The following NTM variants were observed in gnomAD, a reference collection of about 807,000 sequenced individuals.
NTM encodes neurotrimin.
NTM carries 13 observed loss-of-function variants against 42.1 expected under a neutral mutation model. The ratio of observed to expected loss-of-function variants is 0.31; its 90% CI spans 0.20 to 0.49. The LOEUF (loss-of-function observed/expected upper bound fraction) is 0.49. Ranked by LOEUF, NTM falls within the 20% of genes least tolerant of loss-of-function variation. NTM has a pLI of 0.99. For synonymous variants in NTM, 187 were observed against 179.2 expected, an observed-to-expected ratio of 1.04 and a Z score of -0.35; for missense variants, 373 against 452.8, an observed-to-expected ratio of 0.82 and a Z score of 1.60.
chr11:131,700,418 C>G (rs1000716383), intron 1 of NTM, among the ~76,000 whole-genome samples: 3 of 152,164 alleles, frequency 2.0e-5, no homozygotes, highest in African/African-American at 7.2e-5. Context: ...GTTTTAGCTA[C>G]CTATAAGTTC....
At chr11:132,139,543 G>A (rs1185255275) in intron 2 of NTM, among the ~76,000 whole-genome samples, 1 of 152,224 alleles carries the variant, frequency 6.6e-6, no homozygotes, top group East Asian at 1.9e-4. Context: ...AGGAAGGACA[G>A]GTGGTAGGTG....
At chr11:132,331,345 G>T (rs1162367409) in intron 8 of NTM, among the ~76,000 whole-genome samples, 1 of 152,136 alleles carries the variant, frequency 6.6e-6, no homozygotes, top group Non-Finnish European at 1.5e-5. Context: ...ACATGGCTTT[G>T]CTTCTATGTA....
chr11:132,103,155 C>G (rs908241279), intron 2 of NTM, among the ~76,000 whole-genome samples: 1 of 152,228 alleles, frequency 6.6e-6, no homozygotes, highest in Non-Finnish European at 1.5e-5. Context: ...CGCACACAGG[C>G]GCAGGCAGCA....
At position 132,271,977 on chromosome 11, in the gene NTM, A is replaced by C. The variant is rs2093501013; in HGVS notation, c.527-35712A>C. On this transcript the variant is annotated intron_variant, in intron 4 of 8. Coordinates refer to ENST00000683400, the MANE Select transcript of NTM (RefSeq NM_001352005.2). ...TTCCATAGGAAACCATTCCAAGGTC[A>C]TCAAGATTTATCCCTGTGTTTTCTT... is the stretch of plus-strand genomic sequence containing the variant. Among the ~76,000 whole-genome samples, 6 of 152,106 alleles carry C rather than the reference A, an allele frequency of 3.9e-5. No homozygotes were observed. In the South Asian group the frequency reaches 1.2e-3, roughly 31 times the overall value.
intron 1 of NTM, among the ~76,000 whole-genome samples, chr11:131,565,540 TCCTTCC>T (rs1231708714): frequency 6.6e-6 from 1 of 152,356 alleles, no homozygotes; most frequent in African/African-American, 2.4e-5. Flanking sequence ...TTGTCATGGC[TCCTTCC>T]CCTTCCAGCC....
chr11:131,985,516 G>A (rs1412265706), intron 2 of NTM, among the ~76,000 whole-genome samples: 3 of 152,118 alleles, frequency 2.0e-5, no homozygotes, highest in African/African-American at 7.2e-5. Flanking sequence ...TGGCAACCAC[G>A]GGTGTCAGGC....
intron 2 of NTM, among the ~76,000 whole-genome samples, chr11:132,126,401 C>G (rs2065844706): frequency 6.6e-6 from 1 of 152,096 alleles, no homozygotes; most frequent in Non-Finnish European, 1.5e-5. Flanking sequence ...CCTTCCATCA[C>G]CCCCTTCTTT....
At chr11:131,378,459 G>T (rs1321903897) in intron 1 of NTM, among the ~76,000 whole-genome samples, 5 of 152,308 alleles carry the variant, frequency 3.3e-5, no homozygotes, top group East Asian at 1.9e-4. Flanking sequence ...CATCACAGAC[G>T]AATGAACAGA....
chr11:131,479,135 T>G (rs1953274452), intron 1 of NTM, among the ~76,000 whole-genome samples: 1 of 152,244 alleles, frequency 6.6e-6, no homozygotes, highest in Non-Finnish European at 1.5e-5. Flanking sequence ...AAACTTGTTT[T>G]GAGTACCTGC....
At chr11:131,850,686 A>G (rs1044849165) in intron 1 of NTM, among the ~76,000 whole-genome samples, 2 of 152,202 alleles carry the variant, frequency 1.3e-5, no homozygotes, top group African/African-American at 4.8e-5. Flanking sequence ...GCAGCAATCA[A>G]TGTTCAAAGG....
At chr11:132,085,981 G>A (rs1594512909) in intron 2 of NTM, among the ~76,000 whole-genome samples, 1 of 152,128 alleles carries the variant, frequency 6.6e-6, no homozygotes, top group African/African-American at 2.4e-5. Context: ...TTCCCAAGGA[G>A]TCTCAGAGCA....
At chr11:132,269,375 A>G (rs900320873) in intron 4 of NTM, among the ~76,000 whole-genome samples, 2 of 152,190 alleles carry the variant, frequency 1.3e-5, no homozygotes, top group Non-Finnish European at 2.9e-5. Flanking sequence ...AACCAGCAGG[A>G]TGTCATGCTT....
chr11:131,529,797 A>G (rs1762059849), intron 1 of NTM, among the ~76,000 whole-genome samples: 1 of 152,190 alleles, frequency 6.6e-6, no homozygotes, highest in South Asian at 2.1e-4. Flanking sequence ...TATTCTTTGC[A>G]AATAGGCATA....
chr11:131,481,399 T>TC (rs1953570822), intron 1 of NTM, among the ~76,000 whole-genome samples: 3 of 152,228 alleles, frequency 2.0e-5, no homozygotes, highest in Admixed American at 2.0e-4. Flanking sequence ...AGAAGGTGAG[T>TC]CATAGGACTG....
chr11:131,939,347 G>A (rs1432940104), intron 2 of NTM, among the ~76,000 whole-genome samples: 2 of 152,112 alleles, frequency 1.3e-5, no homozygotes, highest in African/African-American at 4.8e-5. Flanking sequence ...GAAGTGAAAA[G>A]TATCCATGGG....
intron 2 of NTM, among the ~76,000 whole-genome samples, chr11:131,975,262 C>A (rs1281786120): frequency 6.6e-6 from 1 of 152,038 alleles, no homozygotes; most frequent in Non-Finnish European, 1.5e-5. Context: ...CTCACTTCAA[C>A]CTCTGCCTCC....
At chr11:131,411,530 TA>T (rs1242092986) in intron 1 of NTM, among the ~76,000 whole-genome samples, 8 of 146,100 alleles carry the variant, frequency 5.5e-5, no homozygotes, top group Non-Finnish European at 1.0e-4. Flanking sequence ...CTGAAGTATT[TA>T]GGGGGGGCCG....
intron 2 of NTM, among the ~76,000 whole-genome samples, chr11:131,959,555 G>C (rs2061913357): frequency 6.6e-6 from 1 of 152,176 alleles, no homozygotes; most frequent in Non-Finnish European, 1.5e-5. Flanking sequence ...AGGATCACTT[G>C]ATCCCAGGAG....
At chr11:131,431,776 G>A (rs1199799259) in intron 1 of NTM, among the ~76,000 whole-genome samples, 1 of 152,158 alleles carries the variant, frequency 6.6e-6, no homozygotes, top group Non-Finnish European at 1.5e-5. Context: ...CTGGAGCCAA[G>A]CGTGCATCTC....
Sources: gnomAD v4.1 joint callset for allele counts (sites outside exome capture counted in the v4.1 genomes callset) on GRCh38, gnomAD v4.1.1 for gene constraint, MANE v1.5 for transcripts, NCBI Gene and HGNC (gene_info 2026-07-23, HGNC 2026-07-21) for gene names.